FSTL5: variants seen among roughly 807,000 people sequenced by gnomAD.
FSTL5 encodes follistatin-related protein 5.
A neutral mutation model predicts 89.1 loss-of-function variants in FSTL5; 62 were observed. That is an observed-to-expected ratio of 0.70 (90% CI 0.57 to 0.86). FSTL5 has a LOEUF of 0.86. Ranked by LOEUF, FSTL5 falls within the 40% of genes least tolerant of loss-of-function variation. FSTL5 has a pLI of 0.00. For synonymous variants in FSTL5, 383 were observed against 346.2 expected (o/e 1.11, Z -1.18); for missense variants, 1,057 against 1,001.6 (o/e 1.06, Z -0.75).
At chr4:161,749,977 C>A (rs1045526537) in intron 6 of FSTL5, among the ~76,000 whole-genome samples, 2 of 151,824 alleles carry the variant, frequency 1.3e-5, no homozygotes, top group African/African-American at 2.4e-5. Context: ...ATCCATGTGA[C>A]AAACACATCT....
intron 6 of FSTL5, among the ~76,000 whole-genome samples, chr4:161,679,840 G>A (rs1480038833): frequency 6.6e-6 from 1 of 151,468 alleles, no homozygotes; most frequent in African/African-American, 2.4e-5. Flanking sequence ...AACAATGAAG[G>A]GTCATGCCCT....
chr4:161,773,899 T>C (rs1741299233), intron 5 of FSTL5, among the ~76,000 whole-genome samples: 1 of 152,196 alleles, frequency 6.6e-6, no homozygotes, highest in African/African-American at 2.4e-5. Flanking sequence ...CTTATGTTTA[T>C]AGTAGCACAA....
chr4:161,888,617 T>C (rs1579170386), intron 4 of FSTL5, among the ~76,000 whole-genome samples: 1 of 152,140 alleles, frequency 6.6e-6, no homozygotes, highest in Non-Finnish European at 1.5e-5. Context: ...GCAAATGCTG[T>C]CTTTATTCAA....
At chr4:161,508,082 C>A (rs928502200) in intron 11 of FSTL5, among the ~76,000 whole-genome samples, 7 of 151,894 alleles carry the variant, frequency 4.6e-5, no homozygotes, top group Non-Finnish European at 8.8e-5. Context: ...AATGAAGAGA[C>A]AATTTCCTTA....
chr4:161,741,090 T>A (rs1164871627), intron 6 of FSTL5, among the ~76,000 whole-genome samples: 1 of 152,154 alleles, frequency 6.6e-6, no homozygotes, highest in Non-Finnish European at 1.5e-5. Context: ...ATAATCAAGT[T>A]TCAACATATG....
rs558507401 is a variant in FSTL5, at chr4:162,118,323, C to T, written c.-16-6911G>A. On this transcript the variant is annotated intron_variant, in intron 1 of 15. Transcript: ENST00000306100. ...TCGCCCAGGCTGGAGTGCAGTGGCGCGATCTCGGCTCACTGCAAGCTCCGC... is the reference window on the plus strand; with the variant it reads ...TCGCCCAGGCTGGAGTGCAGTGGCGTGATCTCGGCTCACTGCAAGCTCCGC... Among the ~76,000 whole-genome samples, 20 of 152,134 alleles carry T rather than the reference C, an allele frequency of 1.3e-4. No individual in the cohort carries two copies. In the South Asian group the frequency reaches 4.1e-3, roughly 32 times the overall value.
chr4:162,162,589 G>A (rs148992187), intron 1 of FSTL5, among the ~76,000 whole-genome samples: 1 of 152,222 alleles, frequency 6.6e-6, no homozygotes, highest in Admixed American at 6.5e-5. Context: ...AATACAAAGA[G>A]CACAGGATAA....
intron 3 of FSTL5, among the ~76,000 whole-genome samples, chr4:161,997,075 T>C (rs1212638531): frequency 6.6e-6 from 1 of 152,214 alleles, no homozygotes; most frequent in Non-Finnish European, 1.5e-5. Context: ...TTTTATTTTA[T>C]TGTTTTACAA....
intron 3 of FSTL5, among the ~76,000 whole-genome samples, chr4:161,924,009 C>A (rs540678205): frequency 6.6e-6 from 1 of 151,576 alleles, no homozygotes; most frequent in African/African-American, 2.4e-5. Flanking sequence ...TGACTAATGC[C>A]GAACTTAAGT....
At chr4:161,551,917 T>C (rs913711396) in intron 8 of FSTL5, among the ~76,000 whole-genome samples, 3 of 151,988 alleles carry the variant, frequency 2.0e-5, no homozygotes, top group African/African-American at 7.2e-5. Context: ...ATTCAGGACA[T>C]AGCCATGGGC....
At chr4:161,776,319 T>C (rs1741412053) in intron 4 of FSTL5, among the ~76,000 whole-genome samples, 2 of 152,034 alleles carry the variant, frequency 1.3e-5, no homozygotes, top group Non-Finnish European at 2.9e-5. Flanking sequence ...GAGGAAGGCA[T>C]AGATGCTGTA....
At chr4:162,118,487 T>A (rs963589285) in intron 1 of FSTL5, among the ~76,000 whole-genome samples, 1 of 152,166 alleles carries the variant, frequency 6.6e-6, no homozygotes, top group Non-Finnish European at 1.5e-5. Context: ...GGTCTCGATC[T>A]CCTGACCTCG....
chr4:161,497,524 G>A (rs995471251), intron 12 of FSTL5, among the ~76,000 whole-genome samples: 1 of 151,946 alleles, frequency 6.6e-6, no homozygotes, highest in South Asian at 2.1e-4. Context: ...AATACTATTT[G>A]ATAGTTTTCT....
At chr4:162,101,812 A>G (rs1015711328) in intron 2 of FSTL5, among the ~76,000 whole-genome samples, 1 of 152,234 alleles carries the variant, frequency 6.6e-6, no homozygotes. Context: ...TGCTAATTGA[A>G]GTCACAATGG....
intron 1 of FSTL5, among the ~76,000 whole-genome samples, chr4:162,119,412 G>T (rs1383325818): frequency 6.6e-6 from 1 of 152,310 alleles, no homozygotes; most frequent in African/African-American, 2.4e-5. Context: ...CTGTAATAAT[G>T]AATGCAACTA....
intron 1 of FSTL5, among the ~76,000 whole-genome samples, chr4:162,126,061 A>T (rs1037246401): frequency 8.7e-5 from 13 of 149,216 alleles, no homozygotes; most frequent in Non-Finnish European, 2.0e-4. Context: ...TTTACCAAAC[A>T]TATGAAATTA....
intron 15 of FSTL5, among the ~76,000 whole-genome samples, chr4:161,450,435 C>T (rs533602284): frequency 3.8e-4 from 58 of 152,280 alleles, no homozygotes; most frequent in Admixed American, 4.6e-4. Flanking sequence ...AAGTTTAACA[C>T]AAGCATTTCG....
intron 14 of FSTL5, among the ~76,000 whole-genome samples, chr4:161,457,727 A>C (rs1373345312): frequency 6.6e-6 from 1 of 152,082 alleles, no homozygotes; most frequent in Non-Finnish European, 1.5e-5. Flanking sequence ...TTATAAGAAT[A>C]TTTTCTAAAA....
intron 7 of FSTL5, among the ~76,000 whole-genome samples, chr4:161,615,293 C>CAAAAAAAAAAAAAAAAAAAA (rs1203046031): frequency 4.5e-4 from 12 of 26,454 alleles, no homozygotes; most frequent in East Asian, 2.6e-3. Flanking sequence ...GACTCTGTCT[C>CAAAAAAAAAAAAAAAAAAAA]AAAAAAAAAA....
Sources: gnomAD v4.1 joint callset for allele counts (sites outside exome capture counted in the v4.1 genomes callset) on GRCh38, gnomAD v4.1.1 for gene constraint, MANE v1.5 for transcripts, NCBI Gene and HGNC (gene_info 2026-07-23, HGNC 2026-07-21) for gene names.